PSMD1: variants seen among roughly 807,000 people sequenced by gnomAD.
The protein encoded by PSMD1 is 26S proteasome non-ATPase regulatory subunit 1.
A neutral mutation model predicts 119.0 loss-of-function variants in PSMD1; 18 were observed. The observed-to-expected ratio is 0.15, with a 90% CI of 0.10 to 0.22. The LOEUF (loss-of-function observed/expected upper bound fraction) is 0.22. PSMD1 is among the 10% of genes least tolerant of loss of function. The pLI, the probability that PSMD1 is intolerant of heterozygous loss-of-function variation, is 1.00. For missense variants in PSMD1, 702 were observed against 1,158.5 expected, an observed-to-expected ratio of 0.61 and a Z score of 5.72; for synonymous variants, 374 against 396.6, an observed-to-expected ratio of 0.94 and a Z score of 0.68.
chr2:231,064,657 C>T (rs1693853071), intron 4 of PSMD1, among the ~76,000 whole-genome samples: 1 of 152,094 alleles, frequency 6.6e-6, no homozygotes, highest in Admixed American at 6.6e-5. Context: ...ATAACATCCA[C>T]TGTGTTTTTT....
chr2:231,108,480 T>G (rs1695030428), intron 16 of PSMD1: 3 of 1,480,918 alleles, frequency 2.0e-6, no homozygotes, highest in Non-Finnish European at 2.8e-6. Flanking sequence ...TTCATCATCT[T>G]ACTCATCATT....
intron 7 of PSMD1, among the ~76,000 whole-genome samples, chr2:231,073,596 G>A (rs753370481): frequency 1.8e-4 from 28 of 152,020 alleles, no homozygotes; most frequent in Non-Finnish European, 2.8e-4. Flanking sequence ...TTGAAATCCC[G>A]ATAATATTGA....
chr2:231,105,951 T>C (rs1694964070), intron 16 of PSMD1, among the ~76,000 whole-genome samples: 1 of 141,290 alleles, frequency 7.1e-6, no homozygotes, highest in Admixed American at 7.6e-5. Context: ...TTTTGTCATT[T>C]TCATTTTTTT....
intron 16 of PSMD1, among the ~76,000 whole-genome samples, chr2:231,111,512 A>G (rs1163857903): frequency 6.6e-6 from 1 of 152,184 alleles, no homozygotes; most frequent in African/African-American, 2.4e-5. Context: ...ACCCTGTTAT[A>G]TTATTATACT....
chr2:231,112,772 G>C (rs1347000438), intron 16 of PSMD1, among the ~76,000 whole-genome samples: 2 of 152,160 alleles, frequency 1.3e-5, no homozygotes, highest in Non-Finnish European at 2.9e-5. Context: ...GATGAGTACA[G>C]GGCCGTAAGA....
Position 231,056,980 on chromosome 2 carries a change from C to T in PSMD1, c.-46C>T. 6.5e-7 allele frequency: 1 copy of T among 1,540,276 alleles called. No homozygotes were observed. The highest frequency in any genetic ancestry group is 8.7e-7 in the Non-Finnish European group (1 of 1,144,550). ...CCCCTGAGCTGACAGATACACTGCG[C>T]AGCTGGAACGGCGAGCGAGCCGACG... On this transcript the variant is annotated 5_prime_UTR_variant, in exon 1 of 25. Transcript: ENST00000308696.
At chr2:231,160,686 A>G (rs974665190) in intron 19 of PSMD1, among the ~76,000 whole-genome samples, 3 of 152,220 alleles carry the variant, frequency 2.0e-5, no homozygotes, top group African/African-American at 7.2e-5. Context: ...AATGCAGATT[A>G]ATACTTAATT....
rs773949697 is a variant in PSMD1 at position 231,163,642 on chromosome 2, A to C, written c.2396A>C (p.Lys799Thr). The C allele has an allele frequency of 6.2e-7, 1 of 1,610,396 alleles. No individual in the cohort carries two copies. The highest frequency in any genetic ancestry group is 8.5e-7 in the Non-Finnish European group (1 of 1,177,052). Reference protein sequence around the residue: ...IGLNKDLKMPKVQYKSNCKPS... With the variant: ...IGLNKDLKMPTVQYKSNCKPS... ...TTAATGGAATTTCTTCAGATGCCGA[A>C]AGTTCAGTATAAATCGAACTGTAAA... The change falls in exon 21 of 25, where the codon AAA becomes ACA. Residue 799 changes from lysine to threonine, a missense_variant. By Grantham distance (78) the Lys-to-Thr change is moderately conservative. This residue lies in a region of PSMD1 where 152 missense variants were observed against 239.3 expected (regional missense o/e 0.64). Coordinates refer to ENST00000308696, the MANE Select transcript of PSMD1 (RefSeq NM_002807.4).
At chr2:231,075,606 G>T in intron 8 of PSMD1, 35 bp downstream of exon 8, 1 of 1,580,648 alleles carries the variant, frequency 6.3e-7, no homozygotes, top group Non-Finnish European at 8.6e-7. Flanking sequence ...TTGAGACAGG[G>T]TCCTGATCTG....
chr2:231,080,748 C>G (rs977213289), intron 12 of PSMD1, among the ~76,000 whole-genome samples: 1 of 152,102 alleles, frequency 6.6e-6, no homozygotes, highest in African/African-American at 2.4e-5. Context: ...TTTTAAGGAA[C>G]CTTAAAATGT....
At chr2:231,168,341 A>T (rs1167484770) in intron 23 of PSMD1, among the ~76,000 whole-genome samples, 1 of 152,258 alleles carries the variant, frequency 6.6e-6, no homozygotes, top group Non-Finnish European at 1.5e-5. Context: ...CTGTGCCCAC[A>T]CAAAAGCTTA....
At chr2:231,171,160 G>A (rs1316004818) in intron 24 of PSMD1, among the ~76,000 whole-genome samples, 1 of 152,214 alleles carries the variant, frequency 6.6e-6, no homozygotes, top group Non-Finnish European at 1.5e-5. Context: ...TGACACTTTT[G>A]AGTAGCACAA....
At chr2:231,155,002 G>A (rs7561641) in intron 19 of PSMD1, among the ~76,000 whole-genome samples, 3 of 152,086 alleles carry the variant, frequency 2.0e-5, no homozygotes, top group Admixed American at 1.3e-4. Flanking sequence ...TAGAGTGGTG[G>A]GCTTTAGTTC....
intron 17 of PSMD1, among the ~76,000 whole-genome samples, chr2:231,144,982 C>T (rs1159392637): frequency 2.0e-5 from 3 of 152,134 alleles, no homozygotes; most frequent in South Asian, 2.1e-4. Context: ...TGACCTCTTA[C>T]CTCAAGACGA....
intron 16 of PSMD1, among the ~76,000 whole-genome samples, chr2:231,112,830 G>A (rs567877254): frequency 3.9e-5 from 6 of 152,094 alleles, no homozygotes; most frequent in Non-Finnish European, 7.4e-5. Flanking sequence ...TCTGAACATC[G>A]GTATGTTTTC....
At chr2:231,104,163 G>A (rs1477608810) in intron 16 of PSMD1, among the ~76,000 whole-genome samples, 2 of 152,132 alleles carry the variant, frequency 1.3e-5, no homozygotes, top group African/African-American at 4.8e-5. Flanking sequence ...GTGGCTTGGT[G>A]TTTATATTCT....
intron 16 of PSMD1, among the ~76,000 whole-genome samples, chr2:231,128,164 C>T (rs1695770354): frequency 6.6e-6 from 1 of 152,200 alleles, no homozygotes; most frequent in Admixed American, 6.5e-5. Context: ...TTTAACATGA[C>T]AGGGATTGTA....
chr2:231,107,665 G>A (rs974734239), intron 16 of PSMD1, among the ~76,000 whole-genome samples: 1 of 152,172 alleles, frequency 6.6e-6, no homozygotes, highest in Non-Finnish European at 1.5e-5. Context: ...TATACTGAAA[G>A]GATGAATAAA....
rs1309783203 is a variant in PSMD1 at position 231,077,171 on chromosome 2, T to C, written c.1071+9T>C. ...TTCTAAAAAACACAAAGGTAAGAAA[T>C]TCATCAATAATAGAGGATTTTAAAA... On this transcript the variant is annotated intron_variant, in intron 9 of 24. Transcript: ENST00000308696. 1 of 1,484,164 alleles carries C rather than the reference T, an allele frequency of 6.7e-7. No individual in the cohort carries two copies. Among genetic ancestry groups the C allele is most frequent in the African/African-American group, 1.4e-5 (1 of 69,420 alleles). The allele number at this position is 1,484,164 out of a possible 1,614,324, so 91.9% of individuals were successfully genotyped here.
Sources: allele counts gnomAD v4.1 joint callset (sites outside exome capture counted in the v4.1 genomes callset), GRCh38; gene constraint gnomAD v4.1.1; regional missense constraint gnomAD v4.1.1; transcripts MANE v1.5; gene names NCBI Gene and HGNC (gene_info 2026-07-23, HGNC 2026-07-21).